The following IYD variants were observed in gnomAD, a reference collection of about 807,000 sequenced individuals.
The protein encoded by IYD is iodotyrosine deiodinase 1.
A neutral mutation model predicts 28.4 loss-of-function variants in IYD; 25 were observed. The observed-to-expected ratio is 0.88, with a 90% CI of 0.64 to 1.23. The LOEUF (loss-of-function observed/expected upper bound fraction) is 1.23, where lower values mean the gene tolerates loss of function less well. IYD is among the 50% of genes most tolerant of loss of function. The pLI is 0.00. For synonymous variants in IYD, 140 were observed against 130.8 expected, an observed-to-expected ratio of 1.07 and a Z score of -0.48; for missense variants, 352 against 357.9, an observed-to-expected ratio of 0.98 and a Z score of 0.13.
At chr6:150,371,455 G>A (rs1006041507) in intron 1 of IYD, among the ~76,000 whole-genome samples, 4 of 152,172 alleles carry the variant, frequency 2.6e-5, no homozygotes, top group Non-Finnish European at 4.4e-5. Flanking sequence ...AGACCAGAAA[G>A]AGTGTGCATC....
intron 1 of IYD, among the ~76,000 whole-genome samples, chr6:150,373,827 C>G (rs1777354247): frequency 6.6e-6 from 1 of 152,190 alleles, no homozygotes; most frequent in Admixed American, 6.5e-5. Flanking sequence ...ATGCAATCAG[C>G]TTTGTCTTAG....
chr6:150,393,285 T>C (rs573794916), intron 3 of IYD, among the ~76,000 whole-genome samples: 63 of 152,326 alleles, frequency 4.1e-4, no homozygotes, highest in African/African-American at 1.4e-3. Context: ...CCAGTGCAGA[T>C]CTTCTAAAGC....
chr6:150,386,896 A>AT (rs1243524163), intron 1 of IYD, among the ~76,000 whole-genome samples: 1 of 152,160 alleles, frequency 6.6e-6, no homozygotes, highest in Non-Finnish European at 1.5e-5. Context: ...TGGACTTAAA[A>AT]TAATCATTGG....
chr6:150,392,349 A>G lies in IYD; in HGVS notation c.375A>G (p.Thr125=). The G allele has an allele frequency of 6.2e-7, 1 of 1,613,272 alleles. No homozygotes were observed. The highest frequency in any genetic ancestry group is 8.5e-7 in the Non-Finnish European group (1 of 1,179,874). ...TTTTAATGGAATGGGTGACAGGAAC[A>G]GCCCCGAGTGGGGCTCACACAGAGC... ...VIDNVIRTAG[T]APSGAHTEPW... The change falls in exon 3 of 5, where the codon ACA becomes ACG. Residue 125 remains threonine, a synonymous_variant. Transcript: ENST00000344419.
intron 4 of IYD, among the ~76,000 whole-genome samples, chr6:150,397,376 C>T (rs992318873): frequency 2.0e-5 from 3 of 151,860 alleles, no homozygotes; most frequent in African/African-American, 7.3e-5. Flanking sequence ...TGAGACAAAC[C>T]TGGGCAATAT....
intron 1 of IYD, among the ~76,000 whole-genome samples, chr6:150,372,392 G>A (rs1381342365): frequency 9.4e-6 from 1 of 106,948 alleles, no homozygotes; most frequent in Non-Finnish European, 2.1e-5. Context: ...GGGTGGGGTG[G>A]GGAGTGCTGA....
rs1482142806 is a variant in IYD, at chr6:150,398,560, A to G, written c.*323A>G. 4.1e-6 allele frequency: 1 copy of G among 245,076 alleles called. No homozygotes were observed. Among genetic ancestry groups the G allele is most frequent in the Non-Finnish European group, 7.8e-6 (1 of 127,608 alleles). 15.2% of individuals were successfully genotyped at this position (245,076 alleles called of 1,614,324 possible). ...TTTAAAAAACTCACATAGAGGAGAC[A>G]ATCAGAAATTTACCATAGTCCCAAG... On this transcript the variant is annotated 3_prime_UTR_variant, in exon 5 of 5. Transcript: ENST00000344419.
intron 1 of IYD, chr6:150,370,384 T>G: frequency 9.2e-6 from 5 of 541,614 alleles, no homozygotes; most frequent in Non-Finnish European, 1.2e-5. Flanking sequence ...CATGCATGAG[T>G]TTGTGTGTGC....
At position 150,371,087 on chromosome 6, in the gene IYD, G is replaced by A. The variant is rs73615896; in HGVS notation, c.178+1878G>A. 2.8e-3 allele frequency among the ~76,000 whole-genome samples: 419 copies of A among 152,286 alleles called. 1 individual carries two copies. Among genetic ancestry groups the A allele is most frequent in the African/African-American group, 6.4e-3 (267 of 41,554 alleles). Reference sequence around the variant, plus strand: ...AGGATAGAACTTGAGGGACACATGCGGTTAAGAGGAACTGTGGAAGAAAAA... The same window carrying A: ...AGGATAGAACTTGAGGGACACATGCAGTTAAGAGGAACTGTGGAAGAAAAA... On this transcript the variant is annotated intron_variant, in intron 1 of 4. Transcript: ENST00000344419.
intron 1 of IYD, among the ~76,000 whole-genome samples, 171 bp from the exon 2 acceptor site, chr6:150,389,181 G>C (rs1249604016): frequency 1.3e-5 from 2 of 152,166 alleles, no homozygotes; most frequent in East Asian, 3.9e-4. Context: ...GAGTTTTAAG[G>C]ATAGTCAAGA....
At chr6:150,370,473 A>G (rs2088376676) in intron 1 of IYD, 1 of 985,116 alleles carries the variant, frequency 1.0e-6, no homozygotes. Context: ...TAATCTCAGG[A>G]CCGGGGCGCA....
At chr6:150,372,926 A>G (rs1284468990) in intron 1 of IYD, among the ~76,000 whole-genome samples, 2 of 152,350 alleles carry the variant, frequency 1.3e-5, no homozygotes, top group South Asian at 4.1e-4. Context: ...TCTCAAAGAA[A>G]TAAGTCTCAG....
At chr6:150,372,302 ATT>A (rs1777276447) in intron 1 of IYD, among the ~76,000 whole-genome samples, 6 of 124,386 alleles carry the variant, frequency 4.8e-5, no homozygotes, top group African/African-American at 1.9e-4. Flanking sequence ...GACCATGCTT[ATT>A]AGACATGTGT....
At chr6:150,392,196 T>C in intron 2 of IYD, 149 bp from the exon 3 acceptor site, 1 of 1,189,146 alleles carries the variant, frequency 8.4e-7, no homozygotes, top group Non-Finnish European at 1.2e-6. Flanking sequence ...ACCCTGCTAG[T>C]TAAAAAAAAA....
intron 1 of IYD, among the ~76,000 whole-genome samples, chr6:150,377,613 A>G (rs1451626866): frequency 6.6e-6 from 1 of 152,200 alleles, no homozygotes. Flanking sequence ...CCTTCTGCTA[A>G]TTAGGAGAGT....
At chr6:150,385,814 T>A (rs770235992) in intron 1 of IYD, among the ~76,000 whole-genome samples, 1 of 151,994 alleles carries the variant, frequency 6.6e-6, no homozygotes, top group Non-Finnish European at 1.5e-5. Flanking sequence ...TATTTAATAG[T>A]CAGCAGACTT....
At chr6:150,396,391 G>A in intron 4 of IYD, 4 of 634,798 alleles carry the variant, frequency 6.3e-6, no homozygotes, top group African/African-American at 1.9e-5. Flanking sequence ...GAGAGTGAAA[G>A]ATAAAATAAT....
chr6:150,397,161 G>T (rs570917198), intron 4 of IYD, among the ~76,000 whole-genome samples: 29 of 152,116 alleles, frequency 1.9e-4, no homozygotes, highest in African/African-American at 6.7e-4. Context: ...TCTATATATG[G>T]GTTCATATAT....
chr6:150,396,670 C>A (rs976458756), intron 4 of IYD: 6 of 383,170 alleles, frequency 1.6e-5, no homozygotes, highest in Admixed American at 4.6e-5. Context: ...GTCAGGAGAT[C>A]GAGACCATCC....
Sources: allele counts gnomAD v4.1 joint callset (sites outside exome capture counted in the v4.1 genomes callset), GRCh38; gene constraint gnomAD v4.1.1; transcripts MANE v1.5; gene names NCBI Gene and HGNC (gene_info 2026-07-23, HGNC 2026-07-21).